The following IRAK3 variants were observed in gnomAD, a reference collection of about 807,000 sequenced individuals.
IRAK3 encodes interleukin-1 receptor-associated kinase 3.
Under a neutral mutation model 56.6 loss-of-function variants are expected in IRAK3, and 57 were observed. That is an observed-to-expected ratio of 1.01 (90% CI 0.81 to 1.26). The LOEUF is 1.26. Among genes scored for constraint, IRAK3 ranks in the 50% most tolerant of loss-of-function variants. IRAK3 has a pLI of 0.00. For missense variants in IRAK3, 703 were observed against 719.0 expected, an observed-to-expected ratio of 0.98 and a Z score of 0.25; for synonymous variants, 258 against 255.7, an observed-to-expected ratio of 1.01 and a Z score of -0.09.
intron 2 of IRAK3, among the ~76,000 whole-genome samples, chr12:66,207,129 T>C (rs1264644969): frequency 6.6e-6 from 1 of 152,196 alleles, no homozygotes; most frequent in Admixed American, 6.5e-5. Flanking sequence ...ATTTTAATGA[T>C]CTTTTCAAAA....
At chr12:66,216,646 C>T (rs1331510698) in intron 5 of IRAK3, among the ~76,000 whole-genome samples, 3 of 152,270 alleles carry the variant, frequency 2.0e-5, no homozygotes, top group Non-Finnish European at 4.4e-5. Context: ...ATTCATGTGT[C>T]AGGCTCTGGG....
chr12:66,245,204 T>G lies in IRAK3; in HGVS notation c.1256T>G (p.Phe419Cys). 2.5e-6 allele frequency: 4 copies of G among 1,614,154 alleles called. No individual in the cohort carries two copies. The highest frequency in any genetic ancestry group is 3.4e-6 in the Non-Finnish European group (4 of 1,180,008). The change falls in exon 11 of 12, where the codon TTC becomes TGC. Residue 419 changes from phenylalanine (F) to cysteine (C), a missense_variant. Coordinates refer to ENST00000261233, the MANE Select transcript of IRAK3 (RefSeq NM_007199.3). ...CCTCGGAATTTCTCTGCCAAGCTCTTCTGTTTGGCAGGCCGGTGTGCTGCA... is the reference window on the plus strand; with the variant it reads ...CCTCGGAATTTCTCTGCCAAGCTCTGCTGTTTGGCAGGCCGGTGTGCTGCA... Reference protein sequence around the residue: ...PCPRNFSAKLFCLAGRCAATR... With the variant: ...PCPRNFSAKLCCLAGRCAATR...
intron 8 of IRAK3, among the ~76,000 whole-genome samples, chr12:66,231,682 A>C (rs1038511133): frequency 2.6e-5 from 4 of 152,236 alleles, no homozygotes; most frequent in Non-Finnish European, 5.9e-5. Flanking sequence ...GGTGGAGGCA[A>C]TAATTTGTTC....
intron 1 of IRAK3, among the ~76,000 whole-genome samples, chr12:66,194,827 C>CA (rs71096077): frequency 0.25 from 32,722 of 132,292 alleles, 4,324 homozygotes; most frequent in Middle Eastern, 0.4. Flanking sequence ...AGACTCCTCT[C>CA]AAAAAAAAAA....
At chr12:66,241,044 C>T (rs1014170064) in intron 8 of IRAK3, among the ~76,000 whole-genome samples, 14 of 152,122 alleles carry the variant, frequency 9.2e-5, no homozygotes, top group African/African-American at 3.1e-4. Flanking sequence ...AAGCAATTCT[C>T]ATTACAAAGT....
At position 66,189,357 on chromosome 12, in the gene IRAK3, C is replaced by T. The variant is rs1174944462; in HGVS notation, c.58C>T (p.Leu20=). 4 of 1,531,152 alleles carry T rather than the reference C, an allele frequency of 2.6e-6. No homozygotes were observed. The highest frequency in any genetic ancestry group is 2.6e-6 in the Non-Finnish European group (3 of 1,145,064). The allele number at this position is 1,531,152 out of a possible 1,614,324, so 94.8% of individuals were successfully genotyped here. A position where few individuals can be genotyped will look rare whatever the true frequency, so the allele number is the denominator to read the frequency against. ...ALSAHTLLFD[L]PPALLGELCA... ...GTCGGCGCACACGCTGCTGTTCGAC[C>T]TGCCGCCCGCGCTGCTCGGAGAGCT... The change falls in exon 1 of 12, where the codon CTG becomes TTG. Residue 20 remains leucine (L), a synonymous_variant. Transcript: ENST00000261233.
At chr12:66,194,972 T>C (rs547600855) in intron 1 of IRAK3, among the ~76,000 whole-genome samples, 1 of 152,286 alleles carries the variant, frequency 6.6e-6, no homozygotes, top group East Asian at 1.9e-4. Flanking sequence ...TCAATCTATA[T>C]ACTACTCCCA....
intron 8 of IRAK3, among the ~76,000 whole-genome samples, chr12:66,233,722 G>C (rs1407521097): frequency 6.7e-6 from 1 of 149,696 alleles, no homozygotes; most frequent in Non-Finnish European, 1.5e-5. Context: ...CATGCACTTG[G>C]ATAAGTCTTC....
rs905058884 is a variant in IRAK3, at chr12:66,215,016, C to G, written c.589-2155C>G. ...TTTAAAAATTATTTACCTAATTTCT[C>G]CATTTCTCCAAATTGCATTTAGTAC... is the stretch of plus-strand genomic sequence containing the variant. On this transcript the variant is annotated intron_variant, in intron 5 of 11. Transcript: ENST00000261233. Among the ~76,000 whole-genome samples the G allele has an allele frequency of 2.0e-5, 3 of 152,188 alleles. 1 individual carries two copies. Among genetic ancestry groups the G allele is most frequent in the African/African-American group, 7.2e-5 (3 of 41,436 alleles).
intron 11 of IRAK3, 78 bp from the exon 12 acceptor site, chr12:66,247,617 T>C: frequency 1.1e-6 from 1 of 914,224 alleles, no homozygotes; most frequent in Non-Finnish European, 1.8e-6. Context: ...AGAATATTCT[T>C]TATAGGTAGA....
chr12:66,216,134 T>A (rs1196198009), intron 5 of IRAK3, among the ~76,000 whole-genome samples: 1 of 152,132 alleles, frequency 6.6e-6, no homozygotes, highest in Non-Finnish European at 1.5e-5. Context: ...GTTAGAGTGC[T>A]ACATTAGCAT....
At position 66,244,933 on chromosome 12, in the gene IRAK3, A is replaced by G. The variant is rs774040037; in HGVS notation, c.1087-15A>G. 16 of 1,587,982 alleles carry G rather than the reference A, an allele frequency of 1.0e-5. No individual in the cohort carries two copies. In the Admixed American group the frequency reaches 1.8e-4, roughly 18 times the overall value. ...TTTTAAGATATATAGCTGACTTTCT[A>G]TATATTCCTTGTAGGTAATAATGGA... On this transcript the variant is annotated splice_polypyrimidine_tract_variant and intron_variant, in intron 9 of 11. Transcript: ENST00000261233.
At chr12:66,196,742 C>A in intron 1 of IRAK3, 1 of 796,594 alleles carries the variant, frequency 1.3e-6, no homozygotes, top group Non-Finnish European at 1.9e-6. Flanking sequence ...AAGAATAGAT[C>A]TAACTTATAA....
At chr12:66,200,448 A>T (rs1391130780) in intron 1 of IRAK3, among the ~76,000 whole-genome samples, 1 of 152,188 alleles carries the variant, frequency 6.6e-6, no homozygotes, top group Non-Finnish European at 1.5e-5. Context: ...AGAGACACAG[A>T]GGCATGCCTA....
Position 66,203,788 on chromosome 12 carries a change from G to A in IRAK3, c.211G>A (p.Glu71Lys). ...YVDQGKSGTR[E>K]LLWSWAQKNK... is the part of the protein sequence containing the mutation. ...AGACCAAGGTAAAAGTGGAACAAGA[G>A]AATTACTTTGGTCCTGGGCACAGAA... Residue 71 changes from glutamate (E) to lysine (K), a missense_variant, in exon 2 of 12, where the codon GAA becomes AAA. Coordinates refer to ENST00000261233, the MANE Select transcript of IRAK3 (RefSeq NM_007199.3). The A allele has an allele frequency of 1.2e-6, 2 of 1,613,790 alleles. No individual in the cohort carries two copies. The highest frequency in any genetic ancestry group is 1.7e-6 in the Non-Finnish European group (2 of 1,179,716).
At chr12:66,220,590 G>A (rs1349321694) in intron 6 of IRAK3, among the ~76,000 whole-genome samples, 31 of 127,972 alleles carry the variant, frequency 2.4e-4, no homozygotes, top group South Asian at 5.0e-4. Flanking sequence ...GCGGGATCTC[G>A]GCTCACTGCA....
At chr12:66,215,790 A>ACGTGCGCGCGCGCGAGCGCGCGCGCGCG (rs1225435769) in intron 5 of IRAK3, among the ~76,000 whole-genome samples, 2 of 103,090 alleles carry the variant, frequency 1.9e-5, no homozygotes, top group African/African-American at 6.1e-5. Flanking sequence ...CAACATGCAC[A>ACGTGCGCGCGCGCGAGCGCGCGCGCGCG]CACACACACA....
intron 2 of IRAK3, among the ~76,000 whole-genome samples, chr12:66,204,778 G>GCGCGCACACACACACA (rs1026097833): frequency 2.0e-5 from 3 of 147,812 alleles, no homozygotes; most frequent in African/African-American, 7.4e-5. Context: ...GAGCCCTTGC[G>GCGCGCACACACACACA]CACACACACA....
intron 1 of IRAK3, among the ~76,000 whole-genome samples, chr12:66,200,842 A>C (rs962548761): frequency 2.0e-5 from 3 of 151,934 alleles, no homozygotes; most frequent in African/African-American, 7.3e-5. Flanking sequence ...ACAGAGTCTC[A>C]CTCTGTTGCC....
Sources: gnomAD v4.1 joint callset for allele counts (sites outside exome capture counted in the v4.1 genomes callset) on GRCh38, gnomAD v4.1.1 for gene constraint, MANE v1.5 for transcripts, NCBI Gene and HGNC (gene_info 2026-07-23, HGNC 2026-07-21) for gene names.